Variants in ACSM5 observed in about 807,000 individuals in gnomAD.
ACSM5 encodes acyl-CoA synthetase medium chain family member 5.
A neutral mutation model predicts 71.6 loss-of-function variants in ACSM5; 56 were observed. That is an observed-to-expected ratio of 0.78 (90% CI 0.63 to 0.98). ACSM5 has a LOEUF of 0.98. Among genes scored for constraint, ACSM5 ranks in the 50% least tolerant of loss-of-function variants. ACSM5 has a pLI of 0.00. For missense variants in ACSM5, 723 were observed against 726.0 expected (o/e 1.00, Z 0.05); for synonymous variants, 285 against 281.5 (o/e 1.01, Z -0.12).
rs901641115 is a variant in ACSM5, at chr16:20,437,128, A to G, written c.1385A>G (p.Asp462Gly). 16 of 1,614,006 alleles carry G rather than the reference A, an allele frequency of 9.9e-6. No homozygotes were observed. The highest frequency in any genetic ancestry group is 1.1e-5 in the Non-Finnish European group (13 of 1,180,018). Residue 462 changes from aspartate to glycine, a missense_variant, in exon 11 of 14, where the codon GAT (aspartate) becomes GGT (glycine). By Grantham distance (94) the Asp-to-Gly change is moderately conservative. Transcript: ENST00000331849. ...GGGGACCGAGCTCGCATGGACAAGG[A>G]TGGCTACTTTTGGTTCATGGGAAGA... ...ITGDRARMDK[D>G]GYFWFMGRND...
intron 6 of ACSM5, among the ~76,000 whole-genome samples, chr16:20,425,017 A>G (rs1488313842): frequency 1.3e-5 from 2 of 152,170 alleles, no homozygotes; most frequent in Admixed American, 6.5e-5. Context: ...TCTTTCAGTT[A>G]TTTTAAAATG....
chr16:20,437,264 C>G lies in ACSM5; in HGVS notation c.1437-4C>G. 6.2e-7 allele frequency: 1 copy of G among 1,614,172 alleles called. No individual in the cohort carries two copies. The highest frequency in any genetic ancestry group is 1.7e-5 in the Admixed American group (1 of 60,020). The stretch of plus-strand genomic sequence containing the variant: ...ACTTGGAAGAGTTTGTTTTTCCCTT[C>G]CAGCTACCGGATCGGGCCTGTTGAA... On this transcript the variant is annotated splice_region_variant and splice_polypyrimidine_tract_variant and intron_variant, in intron 11 of 13. Coordinates refer to ENST00000331849, the MANE Select transcript of ACSM5 (RefSeq NM_017888.3).
intron 5 of ACSM5, among the ~76,000 whole-genome samples, chr16:20,422,094 A>G (rs943683863): frequency 1.3e-5 from 2 of 151,862 alleles, no homozygotes; most frequent in African/African-American, 4.8e-5. Flanking sequence ...ACCACATTTT[A>G]TTTATTTTTA....
At position 20,437,051 on chromosome 16, in the gene ACSM5, G is replaced by A; in HGVS notation, c.1309-1G>A. The A allele has an allele frequency of 1.2e-6, 2 of 1,614,072 alleles. No individual in the cohort carries two copies. Among genetic ancestry groups the A allele is most frequent in the Non-Finnish European group, 1.7e-6 (2 of 1,180,016 alleles). On this transcript the variant is annotated splice_acceptor_variant, in intron 10 of 13. Coordinates refer to ENST00000331849, the MANE Select transcript of ACSM5 (RefSeq NM_017888.3). LOFTEE classifies it high-confidence loss of function. Reference sequence around the variant, plus strand: ...CTTCACGGGTTGTCTTTGTCTTTCAGGACAATCCTGAGAAGACAGCTGCAT... The same window carrying A: ...CTTCACGGGTTGTCTTTGTCTTTCAAGACAATCCTGAGAAGACAGCTGCAT...
rs1967222757 is a variant in ACSM5 at position 20,437,321 on chromosome 16, T to C, written c.1490T>C (p.Val497Ala). 10 of 1,613,966 alleles carry C rather than the reference T, an allele frequency of 6.2e-6. No individual in the cohort carries two copies. The highest frequency in any genetic ancestry group is 1.1e-5 in the South Asian group (1 of 91,086). The change falls in exon 12 of 14, where the codon GTC (valine) becomes GCC (alanine). Residue 497 changes from valine (V) to alanine (A), a missense_variant. Coordinates refer to ENST00000331849, the MANE Select transcript of ACSM5 (RefSeq NM_017888.3). ...VESALAEHPA[V>A]LESAVVSSPD... Reference sequence around the variant, plus strand: ...AGTGCCCTGGCAGAGCATCCTGCTGTCCTGGAGTCGGCTGTGGTCAGCAGC... The same window carrying C: ...AGTGCCCTGGCAGAGCATCCTGCTGCCCTGGAGTCGGCTGTGGTCAGCAGC...
chr16:20,413,074 G>A (rs1966850527), intron 2 of ACSM5, among the ~76,000 whole-genome samples: 1 of 152,154 alleles, frequency 6.6e-6, no homozygotes, highest in Admixed American at 6.5e-5. Flanking sequence ...ATGGTAGTCA[G>A]ACCATATGCT....
chr16:20,413,881 T>TAA (rs112663117), intron 2 of ACSM5, among the ~76,000 whole-genome samples: 6,729 of 152,242 alleles, frequency 0.044, 159 homozygotes, highest in South Asian at 0.058. Context: ...TTCAGGCATT[T>TAA]AAAGATATTT....
intron 6 of ACSM5, among the ~76,000 whole-genome samples, chr16:20,424,589 C>T (rs1966941612): frequency 6.6e-6 from 1 of 152,172 alleles, no homozygotes; most frequent in African/African-American, 2.4e-5. Context: ...GACACTTCTG[C>T]TCATATTATT....
chr16:20,427,498 G>A (rs375739020), intron 6 of ACSM5, among the ~76,000 whole-genome samples: 61 of 152,292 alleles, frequency 4.0e-4, no homozygotes, highest in South Asian at 1.2e-3. Context: ...GAATATCCAA[G>A]ACAGAAGCCA....
At chr16:20,440,133 C>G (rs1305716726) in intron 13 of ACSM5, 3 of 686,596 alleles carry the variant, frequency 4.4e-6, no homozygotes, top group East Asian at 2.7e-5. Context: ...TGATCCCTAC[C>G]ACAAATCAGA....
chr16:20,433,648 A>G (rs1967142677), intron 10 of ACSM5, among the ~76,000 whole-genome samples: 1 of 151,696 alleles, frequency 6.6e-6, no homozygotes, highest in Non-Finnish European at 1.5e-5. Context: ...TAATATCACC[A>G]CCACACAGAA....
At chr16:20,430,367 C>T (rs1967070246) in intron 8 of ACSM5, among the ~76,000 whole-genome samples, 1 of 151,658 alleles carries the variant, frequency 6.6e-6, no homozygotes, top group African/African-American at 2.4e-5. Context: ...GTTCAGAGTC[C>T]AAGATTCTAA....
chr16:20,432,723 G>A (rs938582820), intron 10 of ACSM5, among the ~76,000 whole-genome samples: 1 of 151,834 alleles, frequency 6.6e-6, no homozygotes, highest in Non-Finnish European at 1.5e-5. Flanking sequence ...CTTTCTGGTT[G>A]TGAGATTGTT....
intron 5 of ACSM5, among the ~76,000 whole-genome samples, chr16:20,421,711 C>T (rs1273972331): frequency 6.9e-6 from 1 of 145,096 alleles, no homozygotes; most frequent in African/African-American, 2.6e-5. Context: ...ATACATATAT[C>T]ATAAATGTAC....
At chr16:20,420,469 G>A (rs964882471) in intron 4 of ACSM5, among the ~76,000 whole-genome samples, 2 of 152,100 alleles carry the variant, frequency 1.3e-5, no homozygotes, top group African/African-American at 4.8e-5. Flanking sequence ...GCGTGGTGGC[G>A]CACGCCTATA....
At chr16:20,416,738 G>T (rs1966857123) in intron 2 of ACSM5, among the ~76,000 whole-genome samples, 2 of 152,104 alleles carry the variant, frequency 1.3e-5, no homozygotes, top group South Asian at 4.1e-4. Context: ...AAAATTAATA[G>T]TATTTATATA....
chr16:20,440,502 G>C lies in ACSM5; in HGVS notation c.*75G>C. On this transcript the variant is annotated 3_prime_UTR_variant, in exon 14 of 14. Coordinates refer to ENST00000331849, the MANE Select transcript of ACSM5 (RefSeq NM_017888.3). ...TAATGGATCACTGGTCAGTCCCCAT[G>C]GGGAGCATCATCTCTTCGACCCTAA... 7.4e-7 allele frequency: 1 copy of C among 1,347,484 alleles called. No individual in the cohort carries two copies. The highest frequency in any genetic ancestry group is 1.1e-6 in the Non-Finnish European group (1 of 939,550). The allele number at this position is 1,347,484 out of a possible 1,614,324, so 83.5% of individuals were successfully genotyped here. A position where few individuals can be genotyped will look rare whatever the true frequency, so the allele number is the denominator to read the frequency against.
intron 10 of ACSM5, among the ~76,000 whole-genome samples, 162 bp downstream of exon 10, chr16:20,431,483 T>A (rs35178682): frequency 1.3e-5 from 2 of 152,126 alleles, no homozygotes; most frequent in Non-Finnish European, 2.9e-5. Flanking sequence ...AGACTATTAT[T>A]GATAAGGAAG....
At chr16:20,411,380 C>A (rs749843118) in intron 1 of ACSM5, 90 bp from the exon 2 acceptor site, 15 of 989,522 alleles carry the variant, frequency 1.5e-5, no homozygotes, top group Non-Finnish European at 2.3e-5. Flanking sequence ...CAGTCACCAT[C>A]AGCACTAACC....
Sources: allele counts gnomAD v4.1 joint callset (sites outside exome capture counted in the v4.1 genomes callset), GRCh38; gene constraint gnomAD v4.1.1; transcripts MANE v1.5; gene names NCBI Gene and HGNC (gene_info 2026-07-23, HGNC 2026-07-21).